The following BCAR3 variants were observed in gnomAD, a reference collection of about 807,000 sequenced individuals.
BCAR3 encodes the protein BCAR3 adaptor protein, NSP family member, also known as breast cancer anti-estrogen resistance protein 3.
In BCAR3, 37 loss-of-function variants were observed where a neutral mutation model predicts 80.1. The ratio of observed to expected loss-of-function variants is 0.46; its 90% CI spans 0.36 to 0.61. BCAR3 has a LOEUF of 0.61. BCAR3 is among the 20% of genes least tolerant of loss of function. The pLI is 0.00. For synonymous variants in BCAR3, 389 were observed against 418.9 expected (o/e 0.93, Z 0.87); for missense variants, 978 against 1,068.2 (o/e 0.92, Z 1.18).
At chr1:93,664,120 CT>C (rs1647786831) in intron 2 of BCAR3, among the ~76,000 whole-genome samples, 1 of 152,150 alleles carries the variant, frequency 6.6e-6, no homozygotes, top group Admixed American at 6.5e-5. Context: ...CGAGTTCCTA[CT>C]TTTCTTTTTA....
intron 3 of BCAR3, among the ~76,000 whole-genome samples, chr1:93,604,529 C>T (rs1674717049): frequency 6.6e-6 from 1 of 152,214 alleles, no homozygotes; most frequent in Non-Finnish European, 1.5e-5. Context: ...ACTCTGTAAG[C>T]AGGCAGCAGT....
At position 93,674,617 on chromosome 1, in the gene BCAR3, A is replaced by C; in HGVS notation, c.314T>G (p.Phe105Cys). 1 of 1,611,582 alleles carries C rather than the reference A, an allele frequency of 6.2e-7. No homozygotes were observed. The highest frequency in any genetic ancestry group is 8.5e-7 in the Non-Finnish European group (1 of 1,179,496). ...WQDRHGETFT[F>C]RDPHLLDPTV... ...CTAGTGAAATTACAGAAGTTACCTG[A>C]AGGTGAAGGTTTCGCCGTGCCGGTC... The change falls in exon 2 of 12, where the codon TTC (phenylalanine) becomes TGC (cysteine). Residue 105 changes from phenylalanine to cysteine, a missense_variant. By Grantham distance (205) the Phe-to-Cys change is radical (BLOSUM62 -2). Coordinates refer to ENST00000260502, the MANE Select transcript of BCAR3 (RefSeq NM_003567.4).
intron 3 of BCAR3, among the ~76,000 whole-genome samples, chr1:93,615,330 G>A (rs1343120864): frequency 6.6e-6 from 1 of 152,186 alleles, no homozygotes; most frequent in Admixed American, 6.5e-5. Flanking sequence ...TGGGCCCAGT[G>A]AGCAGGTATG....
intron 2 of BCAR3, among the ~76,000 whole-genome samples, chr1:93,751,009 G>C (rs1424274359): frequency 1.3e-5 from 2 of 152,156 alleles, no homozygotes; most frequent in Admixed American, 1.3e-4. Flanking sequence ...ATCGTAATCA[G>C]AACAGTCACA....
chr1:93,673,834 G>T (rs1260732407), intron 2 of BCAR3, among the ~76,000 whole-genome samples: 1 of 152,082 alleles, frequency 6.6e-6, no homozygotes, highest in South Asian at 2.1e-4. Context: ...GGAGATATGG[G>T]GTCTAATTTA....
chr1:93,785,036 G>T (rs1043958145), intron 2 of BCAR3, among the ~76,000 whole-genome samples: 2 of 152,322 alleles, frequency 1.3e-5, no homozygotes, highest in African/African-American at 4.8e-5. Context: ...TGGAAGGGAA[G>T]GGCTAGAACT....
At chr1:93,800,771 T>A (rs1653451002) in intron 2 of BCAR3, among the ~76,000 whole-genome samples, 1 of 152,130 alleles carries the variant, frequency 6.6e-6, no homozygotes, top group African/African-American at 2.4e-5. Flanking sequence ...CACTATAAAG[T>A]TCTAGAAAAT....
At chr1:93,615,001 GTTCT>G (rs1315126448) in intron 3 of BCAR3, among the ~76,000 whole-genome samples, 2 of 139,014 alleles carry the variant, frequency 1.4e-5, no homozygotes, top group African/African-American at 5.7e-5. Flanking sequence ...TGCTCAACGA[GTTCT>G]TTTTTTTTTT....
chr1:93,665,652 G>C (rs1285497844), intron 2 of BCAR3, among the ~76,000 whole-genome samples: 1 of 152,046 alleles, frequency 6.6e-6, no homozygotes, highest in Non-Finnish European at 1.5e-5. Flanking sequence ...ATACCTTTCA[G>C]GCCAGACCTT....
chr1:93,642,180 G>T, intron 3 of BCAR3, 124 bp downstream of exon 3: 1 of 1,119,842 alleles, frequency 8.9e-7, no homozygotes, highest in Non-Finnish European at 1.3e-6. Context: ...CCTCCCTGTT[G>T]TTTTGGAGAG....
chr1:93,687,658 C>A (rs1016259064), intron 3 of BCAR3, among the ~76,000 whole-genome samples: 1 of 152,166 alleles, frequency 6.6e-6, no homozygotes, highest in Admixed American at 6.6e-5. Flanking sequence ...CCAAGAGACA[C>A]ATGAACAGAC....
In BCAR3 at chr1:93,582,700, G is replaced by C. The variant is rs1380479060; in HGVS notation, c.1287C>G (p.Tyr429Ter). ...TGGCAAACGCTGGGTTCAGTTCACA[G>C]TAGTTGGCCTCTGAGTTGAGCCAGG... is the stretch of plus-strand genomic sequence containing the variant. ...PSAWLNSEAN[Y>*]CELNPAFATG... is the part of the protein sequence containing the mutation. The change falls in exon 7 of 12, where the codon TAC becomes TAG. Residue 429 changes from tyrosine to a stop codon, truncating the protein, a stop_gained. Transcript: ENST00000260502. LOFTEE classifies it high-confidence loss of function. 1.2e-6 allele frequency: 2 copies of C among 1,614,164 alleles called. No individual in the cohort carries two copies. The highest frequency in any genetic ancestry group is 1.1e-5 in the South Asian group (1 of 91,074).
intron 2 of BCAR3, chr1:93,648,807 TG>T (rs1676230711): frequency 6.6e-6 from 1 of 152,470 alleles, no homozygotes; most frequent in Non-Finnish European, 1.5e-5. Context: ...CAGTGGGTCT[TG>T]GTCCAACCTC....
intron 2 of BCAR3, among the ~76,000 whole-genome samples, chr1:93,788,854 C>T (rs1653040206): frequency 6.6e-6 from 1 of 152,172 alleles, no homozygotes; most frequent in South Asian, 2.1e-4. Flanking sequence ...CCCACTGAGT[C>T]CTGCTTTCCT....
At chr1:93,730,551 T>C (rs1650750419) in intron 2 of BCAR3, among the ~76,000 whole-genome samples, 1 of 152,234 alleles carries the variant, frequency 6.6e-6, no homozygotes, top group African/African-American at 2.4e-5. Flanking sequence ...TTTATACACA[T>C]ACGTCCTGTA....
At chr1:93,805,484 C>G (rs4488046) in intron 2 of BCAR3, among the ~76,000 whole-genome samples, 21,542 of 152,212 alleles carry the variant, frequency 0.14, 2,489 homozygotes, top group African/African-American at 0.31. Flanking sequence ...AAACACTGGA[C>G]AGTGTGTCTC....
At chr1:93,701,896 C>G (rs758015912) in intron 3 of BCAR3, among the ~76,000 whole-genome samples, 2 of 152,166 alleles carry the variant, frequency 1.3e-5, no homozygotes, top group Non-Finnish European at 2.9e-5. Flanking sequence ...GAGCCACCCT[C>G]AGGGGCAGGG....
At chr1:93,840,501 C>A (rs57451717) in intron 2 of BCAR3, among the ~76,000 whole-genome samples, 15,022 of 152,176 alleles carry the variant, frequency 0.099, 934 homozygotes, top group East Asian at 0.18. Context: ...TGTTGTGAGG[C>A]CCACGAGTGG....
intron 2 of BCAR3, among the ~76,000 whole-genome samples, chr1:93,673,683 C>G (rs1648328051): frequency 6.6e-6 from 1 of 152,214 alleles, no homozygotes; most frequent in Admixed American, 6.5e-5. Context: ...AGAGAAAAAG[C>G]ATTTACAACC....
Sources: gnomAD v4.1 joint callset for allele counts (sites outside exome capture counted in the v4.1 genomes callset) on GRCh38, gnomAD v4.1.1 for gene constraint, MANE v1.5 for transcripts, NCBI Gene and HGNC (gene_info 2026-07-23, HGNC 2026-07-21) for gene names.